PDE4D: variants seen among roughly 807,000 people sequenced by gnomAD.
The protein encoded by PDE4D is phosphodiesterase 4D.
A neutral mutation model predicts 87.4 loss-of-function variants in PDE4D; 24 were observed. That is an observed-to-expected ratio of 0.27 (90% CI 0.20 to 0.39). PDE4D has a LOEUF of 0.39. Ranked by LOEUF, PDE4D falls within the 10% of genes least tolerant of loss-of-function variation. The pLI, the probability that PDE4D is intolerant of heterozygous loss-of-function variation, is 1.00. For synonymous variants in PDE4D, 384 were observed against 383.2 expected, an observed-to-expected ratio of 1.00 and a Z score of -0.02; for missense variants, 714 against 1,041.0, an observed-to-expected ratio of 0.69 and a Z score of 4.32.
intron 3 of PDE4D, among the ~76,000 whole-genome samples, chr5:59,900,267 C>A (rs867153704): frequency 1.3e-4 from 15 of 116,516 alleles, no homozygotes; most frequent in South Asian, 5.6e-4. Context: ...TATATATACA[C>A]ACACACACAC....
chr5:59,429,096 ATTACT>A lies in PDE4D; in HGVS notation c.456-213133_456-213129del, dbSNP rs139480602. Among the ~76,000 whole-genome samples the A allele has an allele frequency of 5.2e-3, 788 of 152,312 alleles. 10 individuals carry two copies. The highest frequency in any genetic ancestry group is 0.017 in the African/African-American group (704 of 41,588). ...TTTGACTGACTTGTACAAAAAGTTG[ATTACT>A]TTAAAGCAGAAAAATTAAGGTAATA... On this transcript the variant is annotated intron_variant, in intron 1 of 14. Transcript: ENST00000340635.
At chr5:59,140,429 G>T (rs1777721222) in intron 5 of PDE4D, among the ~76,000 whole-genome samples, 1 of 152,208 alleles carries the variant, frequency 6.6e-6, no homozygotes, top group African/African-American at 2.4e-5. Flanking sequence ...TACACTCAGG[G>T]ATGGTGGAGT....
chr5:59,005,911 T>C (rs928300782), intron 6 of PDE4D, among the ~76,000 whole-genome samples: 1 of 152,208 alleles, frequency 6.6e-6, no homozygotes, highest in Admixed American at 6.5e-5. Flanking sequence ...GATTTGTTTA[T>C]CCTCAATCTT....
intron 1 of PDE4D, among the ~76,000 whole-genome samples, chr5:59,671,355 C>A (rs1280153325): frequency 6.6e-6 from 1 of 152,202 alleles, no homozygotes; most frequent in Non-Finnish European, 1.5e-5. Flanking sequence ...TCCTGTTTGG[C>A]TAGCTTGATT....
chr5:60,430,442 C>T (rs984953272), intron 1 of PDE4D, among the ~76,000 whole-genome samples: 11 of 151,812 alleles, frequency 7.2e-5, no homozygotes, highest in Non-Finnish European at 1.0e-4. Flanking sequence ...CCTTCTGCCT[C>T]GCATGCCATT....
intron 1 of PDE4D, chr5:60,430,024 T>C (rs531257103): frequency 5.7e-6 from 3 of 522,338 alleles, no homozygotes; most frequent in Admixed American, 1.9e-5. Flanking sequence ...CAACCGAACA[T>C]GGATACAGTA....
chr5:59,845,942 T>C (rs927660678), intron 1 of PDE4D, among the ~76,000 whole-genome samples: 2 of 152,072 alleles, frequency 1.3e-5, no homozygotes, highest in Non-Finnish European at 2.9e-5. Context: ...GTGACTCATC[T>C]GGGAGATTAC....
chr5:60,095,634 C>A (rs1775600706), intron 2 of PDE4D, among the ~76,000 whole-genome samples: 1 of 152,136 alleles, frequency 6.6e-6, no homozygotes, highest in Non-Finnish European at 1.5e-5. Flanking sequence ...ACACTGTCTT[C>A]CACAATGGAA....
At chr5:59,828,357 G>A (rs1770572492) in intron 1 of PDE4D, among the ~76,000 whole-genome samples, 1 of 152,010 alleles carries the variant, frequency 6.6e-6, no homozygotes, top group African/African-American at 2.4e-5. Context: ...GAGTGAGGGG[G>A]TAATCAGACT....
intron 1 of PDE4D, among the ~76,000 whole-genome samples, chr5:59,676,698 G>A (rs764719167): frequency 2.0e-5 from 3 of 152,100 alleles, no homozygotes; most frequent in East Asian, 3.9e-4. Flanking sequence ...ATAATTGTAC[G>A]TAGGGATGTT....
At chr5:59,114,527 G>T (rs1028341476) in intron 5 of PDE4D, among the ~76,000 whole-genome samples, 1 of 152,072 alleles carries the variant, frequency 6.6e-6, no homozygotes, top group Non-Finnish European at 1.5e-5. Context: ...GGTTAAGATG[G>T]ATTTCTATAT....
chr5:60,146,742 A>G (rs190888956), intron 2 of PDE4D, among the ~76,000 whole-genome samples: 3 of 152,336 alleles, frequency 2.0e-5, no homozygotes, highest in Admixed American at 2.0e-4. Context: ...TTCGCACCTG[A>G]TATGAAGTTA....
At chr5:59,788,000 C>T (rs1279549959) in intron 1 of PDE4D, among the ~76,000 whole-genome samples, 2 of 151,964 alleles carry the variant, frequency 1.3e-5, no homozygotes, top group African/African-American at 4.8e-5. Context: ...TAACAGTAGG[C>T]TGAATTAAAA....
intron 1 of PDE4D, among the ~76,000 whole-genome samples, chr5:59,693,194 AT>A (rs1751250665): frequency 6.6e-6 from 1 of 151,930 alleles, no homozygotes; most frequent in African/African-American, 2.4e-5. Flanking sequence ...ATAGTAAAAA[AT>A]ATATAAATAA....
In PDE4D at chr5:59,907,350, G is replaced by A. The variant is rs139917733; in HGVS notation, c.272+81138C>T. The stretch of plus-strand genomic sequence containing the variant: ...TTTTATAAAGATCCATTTAGTAAAT[G>A]TTCTCATTTATAAGTGGGAGCTAAA... On this transcript the variant is annotated intron_variant, in intron 3 of 16. Coordinates refer to the PDE4D transcript ENST00000502484. Among the ~76,000 whole-genome samples the A allele has an allele frequency of 1.7e-3, 264 of 152,134 alleles. 2 individuals carry two copies. Among genetic ancestry groups the A allele is most frequent in the African/African-American group, 5.9e-3 (246 of 41,516 alleles).
At chr5:59,392,110 G>A (rs1788353148) in intron 1 of PDE4D, among the ~76,000 whole-genome samples, 1 of 151,732 alleles carries the variant, frequency 6.6e-6, no homozygotes, top group East Asian at 1.9e-4. Flanking sequence ...TATGCCTTCT[G>A]TGATAATCCT....
chr5:59,353,896 G>A (rs558662539), intron 1 of PDE4D, among the ~76,000 whole-genome samples: 1 of 152,206 alleles, frequency 6.6e-6, no homozygotes, highest in East Asian at 1.9e-4. Flanking sequence ...TTTGAGCATT[G>A]TAAAACTGTT....
intron 1 of PDE4D, among the ~76,000 whole-genome samples, chr5:59,420,433 G>C (rs1219349436): frequency 6.6e-6 from 1 of 151,978 alleles, no homozygotes; most frequent in Non-Finnish European, 1.5e-5. Flanking sequence ...GCAACCCCAG[G>C]GCTGGAATGT....
intron 1 of PDE4D, among the ~76,000 whole-genome samples, chr5:59,649,902 AACCTTT>A (rs1464498851): frequency 0.011 from 470 of 43,816 alleles, 58 homozygotes; most frequent in Middle Eastern, 0.087. Context: ...ATAGTTTGTG[AACCTTT>A]TTTTTTTTTT....
Sources: allele counts gnomAD v4.1 joint callset (sites outside exome capture counted in the v4.1 genomes callset), GRCh38; gene constraint gnomAD v4.1.1; transcripts MANE v1.5; gene names NCBI Gene and HGNC (gene_info 2026-07-23, HGNC 2026-07-21).